The following CFAP299 variants were observed in gnomAD, a reference collection of about 807,000 sequenced individuals.
CFAP299 encodes cilia and flagella associated protein 299, also known as cilia- and flagella-associated protein 299.
Under a neutral mutation model 27.0 loss-of-function variants are expected in CFAP299, and 21 were observed. That is an observed-to-expected ratio of 0.78 (90% confidence interval 0.55 to 1.12). The LOEUF (loss-of-function observed/expected upper bound fraction) is 1.12. Among genes scored for constraint, CFAP299 ranks in the 50% most tolerant of loss-of-function variants. The pLI is 0.00. For synonymous variants in CFAP299, 104 were observed against 98.1 expected (o/e 1.06, Z -0.36); for missense variants, 310 against 276.6 (o/e 1.12, Z -0.86).
At chr4:80,630,521 A>T (rs1739153979) in intron 3 of CFAP299, among the ~76,000 whole-genome samples, 1 of 152,088 alleles carries the variant, frequency 6.6e-6, no homozygotes, top group African/African-American at 2.4e-5. Context: ...ATAAATTATA[A>T]AATGTTGATT....
At chr4:80,429,215 A>G (rs558157738) in intron 2 of CFAP299, among the ~76,000 whole-genome samples, 1 of 152,372 alleles carries the variant, frequency 6.6e-6, no homozygotes, top group African/African-American at 2.4e-5. Context: ...TATCTGAATA[A>G]TATTAACTCT....
At chr4:80,717,767 T>TA (rs1338860239) in intron 3 of CFAP299, among the ~76,000 whole-genome samples, 1 of 152,056 alleles carries the variant, frequency 6.6e-6, no homozygotes, top group Non-Finnish European at 1.5e-5. Context: ...TTTGTATAAG[T>TA]AAAAAATGCA....
chr4:80,815,709 C>T (rs1729386533), intron 3 of CFAP299, among the ~76,000 whole-genome samples: 2 of 151,638 alleles, frequency 1.3e-5, no homozygotes, highest in Admixed American at 6.6e-5. Context: ...AAATAATCTC[C>T]AAATCAAACA....
In CFAP299 at chr4:80,800,165, A is replaced by AATATAT. The variant is rs1728339891; in HGVS notation, c.334-69828_334-69827insATATAT. On this transcript the variant is annotated intron_variant, in intron 3 of 5. Coordinates refer to ENST00000358105, the MANE Select transcript of CFAP299 (RefSeq NM_152770.3). ...TAAATATATTTATATAATATATAAT[A>AATATAT]CATATAATATATAATAATATGTAAT... Among the ~76,000 whole-genome samples, 7 of 67,464 alleles carry AATATAT rather than the reference A, an allele frequency of 1.0e-4. No individual in the cohort carries two copies. In the Admixed American group the frequency reaches 1.5e-3, roughly 14 times the overall value. The allele number at this position is 67,464 out of a possible 152,430, so 44.3% of individuals were successfully genotyped here.
chr4:80,446,246 AG>A (rs1164512253), intron 2 of CFAP299, among the ~76,000 whole-genome samples: 1 of 152,148 alleles, frequency 6.6e-6, no homozygotes, highest in Non-Finnish European at 1.5e-5. Context: ...GAGGATGTAT[AG>A]GGGAGGGTCA....
At chr4:80,505,947 G>C (rs1560599213) in intron 2 of CFAP299, among the ~76,000 whole-genome samples, 1 of 151,592 alleles carries the variant, frequency 6.6e-6, no homozygotes, top group Admixed American at 6.6e-5. Flanking sequence ...TGTAGTCTGG[G>C]CAACACAGAG....
intron 3 of CFAP299, among the ~76,000 whole-genome samples, chr4:80,777,135 A>C (rs1408079763): frequency 1.3e-5 from 2 of 152,050 alleles, no homozygotes; most frequent in African/African-American, 4.8e-5. Flanking sequence ...GTGACCATGC[A>C]CTCCAAAAAG....
chr4:80,397,106 T>TGG (rs138643279), intron 2 of CFAP299, among the ~76,000 whole-genome samples: 106,779 of 151,234 alleles, frequency 0.71, 38,815 homozygotes, highest in Admixed American at 0.79. Context: ...GGTTTAGTCT[T>TGG]GGGAGGGTGT....
intron 3 of CFAP299, among the ~76,000 whole-genome samples, chr4:80,818,243 G>A (rs74316090): frequency 3.7e-4 from 56 of 152,240 alleles, no homozygotes; most frequent in African/African-American, 1.3e-3. Flanking sequence ...TTTTTATCCA[G>A]TCTATAGCTG....
chr4:80,782,669 AT>A (rs1194229660), intron 3 of CFAP299, among the ~76,000 whole-genome samples: 5 of 128,260 alleles, frequency 3.9e-5, no homozygotes, highest in Admixed American at 8.0e-5. Context: ...ATATTCATAT[AT>A]AATATACATA....
chr4:80,645,395 A>C (rs1218078180), intron 3 of CFAP299, among the ~76,000 whole-genome samples: 1 of 152,058 alleles, frequency 6.6e-6, no homozygotes, highest in African/African-American at 2.4e-5. Flanking sequence ...TATTAACCTA[A>C]TCTACCTCTT....
chr4:80,814,059 T>C (rs1729299551), intron 3 of CFAP299, among the ~76,000 whole-genome samples: 1 of 152,072 alleles, frequency 6.6e-6, no homozygotes, highest in African/African-American at 2.4e-5. Flanking sequence ...TGTTAGCTAA[T>C]TCTCAAAAGT....
chr4:80,640,310 A>C (rs1739662158), intron 3 of CFAP299, among the ~76,000 whole-genome samples: 1 of 152,132 alleles, frequency 6.6e-6, no homozygotes, highest in Non-Finnish European at 1.5e-5. Flanking sequence ...CAGAGCTGGC[A>C]AGAGGTGAAA....
intron 3 of CFAP299, among the ~76,000 whole-genome samples, chr4:80,617,435 G>T (rs1738348284): frequency 6.6e-6 from 1 of 152,070 alleles, no homozygotes; most frequent in East Asian, 1.9e-4. Flanking sequence ...TTTGTTCTTT[G>T]CAGAGCAAGA....
chr4:80,670,180 G>A (rs759251782), intron 3 of CFAP299, among the ~76,000 whole-genome samples: 152 of 149,132 alleles, frequency 1.0e-3, no homozygotes, highest in African/African-American at 3.1e-3. Context: ...GATGTTCCCC[G>A]CCCTATGTCC....
intron 3 of CFAP299, among the ~76,000 whole-genome samples, chr4:80,800,469 T>C (rs1361034185): frequency 2.0e-4 from 2 of 10,054 alleles, no homozygotes; most frequent in African/African-American, 4.7e-4. Context: ...ATATATAATA[T>C]ATAATATATT....
At position 80,855,697 on chromosome 4, in the gene CFAP299, A is replaced by G. The variant is rs561761151; in HGVS notation, c.334-14296A>G. ...TTGCGATAGTTTACTGAGAATGATG[A>G]TTTCCAATTTCATCTATGTCCCTAC... On this transcript the variant is annotated intron_variant, in intron 3 of 5. Coordinates refer to ENST00000358105, the MANE Select transcript of CFAP299 (RefSeq NM_152770.3). Among the ~76,000 whole-genome samples, 371 of 152,250 alleles carry G rather than the reference A, an allele frequency of 2.4e-3. 1 individual carries two copies. The highest frequency in any genetic ancestry group is 3.9e-3 in the Admixed American group (59 of 15,288).
chr4:80,519,178 ATGTGTG>A (rs67077343), intron 2 of CFAP299, among the ~76,000 whole-genome samples: 4 of 150,402 alleles, frequency 2.7e-5, no homozygotes, highest in African/African-American at 9.8e-5. Context: ...CTCTGTTAAT[ATGTGTG>A]TGTGTGTGTG....
chr4:80,680,985 A>G lies in CFAP299; in HGVS notation c.333+97802A>G, dbSNP rs538404204. Among the ~76,000 whole-genome samples, 4 of 152,228 alleles carry G rather than the reference A, an allele frequency of 2.6e-5. No homozygotes were observed. In the East Asian group the frequency reaches 7.7e-4, roughly 29 times the overall value. On this transcript the variant is annotated intron_variant, in intron 3 of 5. Coordinates refer to ENST00000358105, the MANE Select transcript of CFAP299 (RefSeq NM_152770.3). ...CCTCTCTTCTCCTGGGCCAACCCTAAGGAGGTTGTATGGTAGCCTTGGAAG... is the reference window on the plus strand; with the variant it reads ...CCTCTCTTCTCCTGGGCCAACCCTAGGGAGGTTGTATGGTAGCCTTGGAAG...
Sources: allele counts gnomAD v4.1 joint callset (sites outside exome capture counted in the v4.1 genomes callset), GRCh38; gene constraint gnomAD v4.1.1; transcripts MANE v1.5; gene names NCBI Gene and HGNC (gene_info 2026-07-23, HGNC 2026-07-21).